The following MMS22L variants were observed in gnomAD, a reference collection of about 807,000 sequenced individuals.
MMS22L encodes MMS22 like, DNA repair protein, also known as protein MMS22-like.
Under a neutral mutation model 159.1 loss-of-function variants are expected in MMS22L, and 74 were observed. That is an observed-to-expected ratio of 0.47 (90% CI 0.39 to 0.56). The LOEUF is 0.56. Among genes scored for constraint, MMS22L ranks in the 20% least tolerant of loss-of-function variants. The pLI is 0.00. For missense variants in MMS22L, 1,351 were observed against 1,422.1 expected (o/e 0.95, Z 0.80); for synonymous variants, 517 against 506.9 (o/e 1.02, Z -0.27).
intron 10 of MMS22L, chr6:97,254,344 C>T (rs749252205): frequency 2.1e-6 from 1 of 487,164 alleles, no homozygotes; most frequent in Non-Finnish European, 3.6e-6. Context: ...GGACTACATA[C>T]CAAATCTTCT....
At chr6:97,163,777 G>A (rs1802686817) in intron 21 of MMS22L, among the ~76,000 whole-genome samples, 1 of 151,990 alleles carries the variant, frequency 6.6e-6, no homozygotes, top group African/African-American at 2.4e-5. Flanking sequence ...TTTTATAAAG[G>A]ATACGTGGGA....
intron 14 of MMS22L, among the ~76,000 whole-genome samples, chr6:97,224,192 G>T (rs1191308308): frequency 1.3e-5 from 2 of 152,058 alleles, no homozygotes. Context: ...TTGAATCCAG[G>T]TGCAGTTACA....
intron 14 of MMS22L, among the ~76,000 whole-genome samples, chr6:97,207,820 T>C (rs896941580): frequency 3.9e-5 from 6 of 152,138 alleles, no homozygotes; most frequent in African/African-American, 1.4e-4. Context: ...AAAAGAACTA[T>C]ACAGGCATAT....
intron 14 of MMS22L, among the ~76,000 whole-genome samples, chr6:97,196,520 T>C (rs544324735): frequency 6.6e-6 from 1 of 152,254 alleles, no homozygotes; most frequent in South Asian, 2.1e-4. Flanking sequence ...ATAATGTAAC[T>C]ATAGTATTGA....
At position 97,282,503 on chromosome 6, in the gene MMS22L, T is replaced by A. The variant is rs1334149327; in HGVS notation, c.-26A>T. On this transcript the variant is annotated 5_prime_UTR_variant, in exon 2 of 25. Transcript: ENST00000683635. ...TGTTTACTTCATGTTCTGAAACACT[T>A]GGGGTTCGTCGTATCATTAAGGGCT... The A allele has an allele frequency of 6.8e-7, 1 of 1,481,140 alleles. No homozygotes were observed. Among genetic ancestry groups the A allele is most frequent in the East Asian group, 2.8e-5 (1 of 35,718 alleles). 91.7% of individuals were successfully genotyped at this position (1,481,140 alleles called of 1,614,324 possible).
At chr6:97,214,615 A>T (rs886966610) in intron 14 of MMS22L, among the ~76,000 whole-genome samples, 1 of 151,866 alleles carries the variant, frequency 6.6e-6, no homozygotes, top group African/African-American at 2.4e-5. Context: ...TTGATTTCTT[A>T]AAAAATTACA....
chr6:97,246,742 T>A, intron 10 of MMS22L, 52 bp from the exon 11 acceptor site: 4 of 1,295,878 alleles, frequency 3.1e-6, no homozygotes, highest in Non-Finnish European at 4.4e-6. Context: ...ATTATGCCTA[T>A]ATTTAAAATT....
intron 8 of MMS22L, chr6:97,266,385 T>C (rs1403357370): frequency 6.6e-6 from 1 of 152,236 alleles, no homozygotes; most frequent in Non-Finnish European, 1.5e-5. Context: ...TGCAGCATTA[T>C]TTATAAGAGC....
At chr6:97,182,087 G>A (rs754909855) in intron 15 of MMS22L, 33 bp from the exon 16 acceptor site, 1 of 1,575,998 alleles carries the variant, frequency 6.3e-7, no homozygotes, top group African/African-American at 1.4e-5. Flanking sequence ...TTAAAGTCAG[G>A]AATCTTTAAA....
At position 97,283,095 on chromosome 6, in the gene MMS22L, C is replaced by G. The variant is rs1398920199; in HGVS notation, c.-77+1G>C. 3 of 152,280 alleles carry G rather than the reference C, an allele frequency of 2.0e-5. No homozygotes were observed. The highest frequency in any genetic ancestry group is 4.4e-5 in the Non-Finnish European group (3 of 68,090). 9.4% of individuals were successfully genotyped at this position (152,280 alleles called of 1,614,324 possible). A position where few individuals can be genotyped will look rare whatever the true frequency, so the allele number is the denominator to read the frequency against. ...TCGGTTACCCGCGGTGCCTGTCGTACCCGCTCACATTTCCAGCTCCCGAAA... is the reference window on the plus strand; with the variant it reads ...TCGGTTACCCGCGGTGCCTGTCGTAGCCGCTCACATTTCCAGCTCCCGAAA... On this transcript the variant is annotated splice_donor_variant, in intron 1 of 24. Coordinates refer to ENST00000683635, the MANE Select transcript of MMS22L (RefSeq NM_001350599.2). LOFTEE classifies it low-confidence loss of function (5UTR_SPLICE).
intron 3 of MMS22L, among the ~76,000 whole-genome samples, chr6:97,279,608 G>C (rs1816567278): frequency 6.6e-6 from 1 of 151,546 alleles, no homozygotes; most frequent in South Asian, 2.1e-4. Flanking sequence ...AGCATGGTGA[G>C]ACCCCATCTC....
intron 3 of MMS22L, 125 bp downstream of exon 3, chr6:97,281,112 A>C (rs1816719088): frequency 2.3e-6 from 2 of 888,098 alleles, no homozygotes; most frequent in Non-Finnish European, 3.3e-6. Context: ...TGGTAAGATA[A>C]TCAAGTGAGC....
At chr6:97,147,399 T>TCCC (rs1295891067) in intron 24 of MMS22L, among the ~76,000 whole-genome samples, 5 of 152,188 alleles carry the variant, frequency 3.3e-5, no homozygotes, top group African/African-American at 1.2e-4. Context: ...TTCCCTGTAT[T>TCCC]TGGAAGGTGT....
chr6:97,246,604 A>G (rs1468264602), intron 11 of MMS22L, 24 bp downstream of exon 11: 1 of 1,574,624 alleles, frequency 6.4e-7, no homozygotes, highest in South Asian at 1.2e-5. Flanking sequence ...AAAATCCACA[A>G]ACTGTCTTAC....
In MMS22L at chr6:97,145,273, C is replaced by T. The variant is rs1007499341; in HGVS notation, c.*1533G>A. 1.3e-5 allele frequency: 2 copies of T among 152,004 alleles called. No homozygotes were observed. The highest frequency in any genetic ancestry group is 2.9e-5 in the Non-Finnish European group (2 of 67,980). 9.4% of individuals were successfully genotyped at this position (152,004 alleles called of 1,614,324 possible). The stretch of plus-strand genomic sequence containing the variant: ...TGATGAAGCTGATTTGAGAGAAGGA[C>T]CATTTATATGTTATGAAAATAACAG... On this transcript the variant is annotated 3_prime_UTR_variant, in exon 25 of 25. Coordinates refer to ENST00000683635, the MANE Select transcript of MMS22L (RefSeq NM_001350599.2).
chr6:97,253,263 G>T (rs1341749784), intron 10 of MMS22L, among the ~76,000 whole-genome samples: 1 of 152,070 alleles, frequency 6.6e-6, no homozygotes, highest in Non-Finnish European at 1.5e-5. Flanking sequence ...CTAACCCTCA[G>T]ATTCCATGGA....
chr6:97,204,830 T>C (rs1807584505), intron 14 of MMS22L, among the ~76,000 whole-genome samples: 1 of 146,076 alleles, frequency 6.8e-6, no homozygotes, highest in South Asian at 2.2e-4. Context: ...ATAATTATAA[T>C]TTAATACTGA....
intron 18 of MMS22L, among the ~76,000 whole-genome samples, chr6:97,176,861 A>AT (rs2128263785): frequency 6.6e-6 from 1 of 152,236 alleles, no homozygotes; most frequent in Non-Finnish European, 1.5e-5. Flanking sequence ...CCCTCTGTTA[A>AT]TAAGTCATAG....
chr6:97,269,809 T>A (rs1469587946), intron 7 of MMS22L, 93 bp downstream of exon 7: 4 of 856,906 alleles, frequency 4.7e-6, no homozygotes, highest in Non-Finnish European at 5.3e-6. Context: ...GATTTTTTTT[T>A]AAATATCAGA....
Sources: allele counts gnomAD v4.1 joint callset (sites outside exome capture counted in the v4.1 genomes callset), GRCh38; gene constraint gnomAD v4.1.1; transcripts MANE v1.5; gene names NCBI Gene and HGNC (gene_info 2026-07-23, HGNC 2026-07-21).